SPTBN4: variants seen among roughly 807,000 people sequenced by gnomAD.
SPTBN4 encodes the protein spectrin beta chain, non-erythrocytic 4.
A neutral mutation model predicts 277.8 loss-of-function variants in SPTBN4; 96 were observed. That is an observed-to-expected ratio of 0.35 (90% CI 0.29 to 0.41). The LOEUF (loss-of-function observed/expected upper bound fraction) is 0.41. Ranked by LOEUF, SPTBN4 falls within the 10% of genes least tolerant of loss-of-function variation. The pLI is 1.00. For missense variants in SPTBN4, 3,006 were observed against 3,595.7 expected, an observed-to-expected ratio of 0.84 and a Z score of 4.19; for synonymous variants, 1,481 against 1,580.3, an observed-to-expected ratio of 0.94 and a Z score of 1.49.
At chr19:40,525,792 GT>G (rs2080583860) in intron 17 of SPTBN4, among the ~76,000 whole-genome samples, 2 of 152,222 alleles carry the variant, frequency 1.3e-5, no homozygotes, top group African/African-American at 2.4e-5. Context: ...GATGGAGGAA[GT>G]CCAGGCAGAA....
chr19:40,513,399 G>A lies in SPTBN4; in HGVS notation c.2610G>A (p.Ala870=), dbSNP rs760228185. ...EQLFAEVTEV[A]ALRRQWLRDA... is the part of the protein sequence containing the mutation. ...TGTTCGCTGAGGTGACCGAAGTGGC[G>A]GCGCTGAGGCGCCAGTGGCTGCGGG... Residue 870 remains alanine, a synonymous_variant, in exon 14 of 36, where the codon GCG becomes GCA. Coordinates refer to ENST00000598249, the MANE Select transcript of SPTBN4 (RefSeq NM_020971.3). 1.4e-5 allele frequency: 22 copies of A among 1,604,466 alleles called. No homozygotes were observed. Among genetic ancestry groups the A allele is most frequent in the Middle Eastern group, 1.6e-4 (1 of 6,072 alleles).
chr19:40,557,390 T>A lies in SPTBN4; in HGVS notation c.5657T>A (p.Leu1886His), dbSNP rs1599806607. The change falls in exon 26 of 36, where the codon CTC becomes CAC. Residue 1886 changes from leucine to histidine, a missense_variant. Physicochemically the swap from Leu to His is moderately conservative, Grantham distance 99. This residue lies in a region of SPTBN4 where 425 missense variants were observed against 594.7 expected (regional missense o/e 0.71). Transcript: ENST00000598249. ...TLRAFEHDLQ[L>H]LVSQVRQLQE... Reference sequence around the variant, plus strand: ...AGAGCCTTTGAGCATGACCTGCAGCTCCTCGTGTCCCAGGTGGGGCGCCGG... The same window carrying A: ...AGAGCCTTTGAGCATGACCTGCAGCACCTCGTGTCCCAGGTGGGGCGCCGG... The A allele has an allele frequency of 6.4e-7, 1 of 1,565,972 alleles. No homozygotes were observed. Among genetic ancestry groups the A allele is most frequent in the Non-Finnish European group, 8.7e-7 (1 of 1,151,850 alleles).
intron 7 of SPTBN4, among the ~76,000 whole-genome samples, chr19:40,498,863 G>A (rs892103035): frequency 6.6e-6 from 1 of 151,740 alleles, no homozygotes; most frequent in Admixed American, 6.6e-5. Context: ...CATCACACCT[G>A]GCTAATTTTT....
chr19:40,555,462 G>A (rs1210852887), intron 24 of SPTBN4, among the ~76,000 whole-genome samples: 4 of 132,024 alleles, frequency 3.0e-5, no homozygotes, highest in African/African-American at 1.2e-4. Context: ...CTGCACTCCA[G>A]CCTGGTGACA....
intron 12 of SPTBN4, among the ~76,000 whole-genome samples, chr19:40,504,566 G>C (rs2080302777): frequency 6.6e-6 from 1 of 152,122 alleles, no homozygotes; most frequent in South Asian, 2.1e-4. Context: ...CTACTTGGGA[G>C]GCTGAGGCAG....
intron 30 of SPTBN4, 35 bp from the exon 31 acceptor site, chr19:40,567,628 C>G (rs568679614): frequency 1.4e-6 from 2 of 1,424,096 alleles, no homozygotes; most frequent in African/African-American, 3.0e-5. Context: ...CCCGGCCCCA[C>G]GCCTCCAACC....
At chr19:40,487,958 G>C (rs1336013838) in intron 3 of SPTBN4, 110 bp downstream of exon 3, 4 of 1,293,060 alleles carry the variant, frequency 3.1e-6, no homozygotes, top group East Asian at 2.7e-5. Flanking sequence ...TCATGGGCGA[G>C]TGGAACGTGC....
At chr19:40,495,181 C>T (rs1431749076) in intron 6 of SPTBN4, among the ~76,000 whole-genome samples, 2 of 152,170 alleles carry the variant, frequency 1.3e-5, no homozygotes, top group South Asian at 4.1e-4. Flanking sequence ...ACACAGGCTC[C>T]TGTCCAGGCC....
At position 40,550,459 on chromosome 19, in the gene SPTBN4, A is replaced by T. The variant is rs967390027; in HGVS notation, c.4674+132A>T. On this transcript the variant is annotated intron_variant, in intron 22 of 35. Coordinates refer to ENST00000598249, the MANE Select transcript of SPTBN4 (RefSeq NM_020971.3). ...TAACAAGACTGTGGACAGCAGATAC[A>T]GATGTATCCAGGTGCTTCCATATAT... 25 of 749,562 alleles carry T rather than the reference A, an allele frequency of 3.3e-5. No homozygotes were observed. The African/African-American group carries it at 4.2e-4, about 13-fold the overall frequency. The allele number at this position is 749,562 out of a possible 1,614,324, so 46.4% of individuals were successfully genotyped here.
In SPTBN4 at chr19:40,515,237, G is replaced by A. The variant is rs2080440211; in HGVS notation, c.2766-74G>A. The A allele has an allele frequency of 3.9e-6, 6 of 1,531,070 alleles. No individual in the cohort carries two copies. The highest frequency in any genetic ancestry group is 2.8e-5 in the African/African-American group (2 of 72,094). 94.8% of individuals were successfully genotyped at this position (1,531,070 alleles called of 1,614,324 possible). A position where few individuals can be genotyped will look rare whatever the true frequency, so the allele number is the denominator to read the frequency against. ...AAGGGTGGATTGAGAATTAGGAGTA[G>A]AACCAGTAGAAGGTATTTCATAAAA... On this transcript the variant is annotated intron_variant, in intron 14 of 35. Transcript: ENST00000598249. This position sits in a 1 kb window ranked among gnomAD's most constrained non-coding sequence, Gnocchi z 4.1.
At chr19:40,553,983 A>T (rs2080946465) in intron 22 of SPTBN4, among the ~76,000 whole-genome samples, 164 bp from the exon 23 acceptor site, 1 of 152,172 alleles carries the variant, frequency 6.6e-6, no homozygotes, top group African/African-American at 2.4e-5. Flanking sequence ...ATGATGAGTG[A>T]GGGAGTATCA....
Position 40,576,273 on chromosome 19 carries a change from C to T in SPTBN4, c.*704C>T, listed in dbSNP as rs1340031157. On this transcript the variant is annotated 3_prime_UTR_variant, in exon 36 of 36. Transcript: ENST00000598249. ...CCCCCTCCAGTTGTAAATGCCACTT[C>T]ATGAGGGGAGGGGCGAGGGGAAGCC... 6.5e-6 allele frequency: 1 copy of T among 152,748 alleles called. No individual in the cohort carries two copies. Among genetic ancestry groups the T allele is most frequent in the Non-Finnish European group, 1.5e-5 (1 of 68,108 alleles). 9.5% of individuals were successfully genotyped at this position (152,748 alleles called of 1,614,324 possible).
At chr19:40,498,483 G>A (rs2080227446) in intron 7 of SPTBN4, among the ~76,000 whole-genome samples, 1 of 151,260 alleles carries the variant, frequency 6.6e-6, no homozygotes, top group African/African-American at 2.4e-5. Flanking sequence ...TCGGCTCACT[G>A]CAAGCTCCAC....
At chr19:40,505,700 GAGGAAGGAAGGAAGGAAGGAAGGAAGGA>G (rs369584973) in intron 12 of SPTBN4, among the ~76,000 whole-genome samples, 1 of 116,512 alleles carries the variant, frequency 8.6e-6, no homozygotes, top group Non-Finnish European at 1.7e-5. Flanking sequence ...GAATGAAAGG[GAGGAAGGAAGGAAGGAAGGAAGGAAGGA>G]AGGAAGGAAG....
Position 40,554,393 on chromosome 19 carries a change from G to C in SPTBN4, c.4921G>C (p.Glu1641Gln). 6.3e-7 allele frequency: 1 copy of C among 1,589,784 alleles called. No homozygotes were observed. Among genetic ancestry groups the C allele is most frequent in the Non-Finnish European group, 8.5e-7 (1 of 1,170,818 alleles). The part of the protein sequence containing the change: ...AEVEAWLGEQ[E>Q]LLMMSEDKGK... ...GGTGGAGGCGTGGCTGGGCGAGCAG[G>C]AGCTGCTCATGATGAGTGAGGACAA... The change falls in exon 23 of 36, where the codon GAG becomes CAG. Residue 1641 changes from glutamate to glutamine, a missense_variant. Glu to Gln is a conservative substitution (Grantham distance 29). Coordinates refer to ENST00000598249, the MANE Select transcript of SPTBN4 (RefSeq NM_020971.3). This position sits in a 1 kb window ranked among gnomAD's most constrained non-coding sequence, Gnocchi z 5.7.
intron 20 of SPTBN4, among the ~76,000 whole-genome samples, chr19:40,539,387 A>G (rs915240158): frequency 3.3e-5 from 5 of 152,252 alleles, no homozygotes; most frequent in African/African-American, 1.2e-4. Context: ...AAGGGCATGG[A>G]TGCTGGCGCT....
chr19:40,516,852 CAA>C, intron 15 of SPTBN4, among the ~76,000 whole-genome samples: 1 of 152,056 alleles, frequency 6.6e-6, no homozygotes, highest in South Asian at 2.1e-4. Flanking sequence ...AACAAACAAA[CAA>C]AAACCTCCTG....
At chr19:40,552,623 A>G in intron 22 of SPTBN4, among the ~76,000 whole-genome samples, 1 of 152,184 alleles carries the variant, frequency 6.6e-6, no homozygotes, top group East Asian at 1.9e-4. Flanking sequence ...AGAATAGGGC[A>G]CTGAAGGATG....
At position 40,519,514 on chromosome 19, in the gene SPTBN4, A is replaced by G; in HGVS notation, c.3017A>G (p.Lys1006Arg). The G allele has an allele frequency of 6.2e-7, 1 of 1,606,114 alleles. No homozygotes were observed. Among genetic ancestry groups the G allele is most frequent in the Non-Finnish European group, 8.5e-7 (1 of 1,177,428 alleles). ...VAEVRAQVRE[K>R]RRAVESAPRA... ...GAGGTGCGCGCCCAGGTGCGTGAGA[A>G]GCGGAGAGCTGTGGAGAGCGCGCCC... The change falls in exon 16 of 36, where the codon AAG becomes AGG. Residue 1006 changes from lysine (K) to arginine (R), a missense_variant. By Grantham distance (26) the Lys-to-Arg change is conservative. This residue lies in a region of SPTBN4 where 1,759 missense variants were observed against 2,061.5 expected (regional missense o/e 0.85). Coordinates refer to ENST00000598249, the MANE Select transcript of SPTBN4 (RefSeq NM_020971.3). The surrounding 1 kb of genome is among the most constrained non-coding windows in gnomAD (Gnocchi z 5.7).
Sources: gnomAD v4.1 joint callset for allele counts (sites outside exome capture counted in the v4.1 genomes callset) on GRCh38, gnomAD v4.1.1 for gene constraint, gnomAD v4.1.1 regional missense constraint, Gnocchi (gnomAD v3.1) non-coding constraint, MANE v1.5 for transcripts, NCBI Gene and HGNC (gene_info 2026-07-23, HGNC 2026-07-21) for gene names.